The following MAEL variants were observed in gnomAD, a reference collection of about 807,000 sequenced individuals.
MAEL encodes protein maelstrom homolog.
In MAEL, 46 loss-of-function variants were observed where a neutral mutation model predicts 62.0. The observed-to-expected ratio is 0.74, with a 90% CI of 0.59 to 0.95. The LOEUF is 0.95. Ranked by LOEUF, MAEL falls within the 40% of genes least tolerant of loss-of-function variation. The pLI is 0.00. For synonymous variants in MAEL, 172 were observed against 175.5 expected, an observed-to-expected ratio of 0.98 and a Z score of 0.16; for missense variants, 497 against 526.8, an observed-to-expected ratio of 0.94 and a Z score of 0.55.
chr1:167,002,587 C>T (rs1023298708), intron 5 of MAEL, among the ~76,000 whole-genome samples: 5 of 152,282 alleles, frequency 3.3e-5, no homozygotes, highest in South Asian at 4.1e-4. Flanking sequence ...TCACTAGCAT[C>T]TCAGATTACC....
At chr1:167,003,634 G>A (rs1195516519) in intron 5 of MAEL, among the ~76,000 whole-genome samples, 2 of 152,132 alleles carry the variant, frequency 1.3e-5, no homozygotes, top group African/African-American at 2.4e-5. Context: ...TAATCTCACC[G>A]CTCTGAATTG....
Position 167,005,400 on chromosome 1 carries a change from A to AT in MAEL, c.845+5dup, listed in dbSNP as rs1211519366. ...TGGGATTATTCTAGCAACACAAGGT[A>AT]TTGCTAGCATTTTTGTTTTAGAGTC... is the stretch of plus-strand genomic sequence containing the variant. On this transcript the variant is annotated splice_donor_region_variant and intron_variant, in intron 8 of 11. Transcript: ENST00000367872. The AT allele has an allele frequency of 6.3e-7, 1 of 1,582,282 alleles. No homozygotes were observed. Among genetic ancestry groups the AT allele is most frequent in the Non-Finnish European group, 8.6e-7 (1 of 1,164,366 alleles).
chr1:166,984,319 C>T (rs1435573558), upstream of MAEL, among the ~76,000 whole-genome samples: 1 of 152,172 alleles, frequency 6.6e-6, no homozygotes, highest in Non-Finnish European at 1.5e-5. Context: ...TCTAACTGGT[C>T]TCACCATGCC....
intron 1 of MAEL, 126 bp from the exon 2 acceptor site, chr1:166,989,611 G>A (rs754541236): frequency 2.7e-6 from 4 of 1,472,720 alleles, no homozygotes; most frequent in East Asian, 2.4e-5. Flanking sequence ...GAAGGCCCCC[G>A]TTTGTGGCCC....
rs374048394 is a variant in MAEL, at chr1:167,002,870, T to G, written c.524-1310T>G. ...GAGTTTATTGGAAACTCTGTTCTGT[T>G]TCTCAGCCTCTAAATCTCCTCTTCC... is the stretch of plus-strand genomic sequence containing the variant. On this transcript the variant is annotated intron_variant, in intron 5 of 11. Coordinates refer to ENST00000367872, the MANE Select transcript of MAEL (RefSeq NM_032858.3). Among the ~76,000 whole-genome samples the G allele has an allele frequency of 1.8e-4, 28 of 152,338 alleles. No homozygotes were observed. In the East Asian group the frequency reaches 4.8e-3, roughly 26 times the overall value.
intron 8 of MAEL, 163 bp from the exon 9 acceptor site, chr1:167,016,059 T>C: frequency 1.5e-6 from 1 of 662,120 alleles, no homozygotes. Context: ...TATCAGAGAA[T>C]GTAGCATTAA....
At chr1:166,977,089 G>A (rs1466250552) in intron 1 of MAEL, among the ~76,000 whole-genome samples, 4 of 152,212 alleles carry the variant, frequency 2.6e-5, no homozygotes, top group Admixed American at 6.5e-5. Flanking sequence ...ATGATCAGCT[G>A]TGGCAGAGGT....
chr1:166,982,065 A>G (rs1302433862), intron 1 of MAEL, among the ~76,000 whole-genome samples: 23 of 152,206 alleles, frequency 1.5e-4, no homozygotes, highest in Admixed American at 1.4e-3. Context: ...GCTAACATCA[A>G]TTGAGAAAGA....
At chr1:166,989,105 A>C, upstream of MAEL, 1 of 517,534 alleles carries the variant, frequency 1.9e-6, no homozygotes. Flanking sequence ...GCACCCAGCC[A>C]ATCAGAGCAC....
At chr1:167,011,220 G>C (rs1665160137) in intron 8 of MAEL, among the ~76,000 whole-genome samples, 2 of 152,132 alleles carry the variant, frequency 1.3e-5, no homozygotes, top group Admixed American at 1.3e-4. Flanking sequence ...TGCATATAAA[G>C]GTTGGGGTAG....
At chr1:167,001,891 C>T (rs539187047) in intron 5 of MAEL, among the ~76,000 whole-genome samples, 8 of 152,332 alleles carry the variant, frequency 5.3e-5, no homozygotes, top group African/African-American at 1.4e-4. Context: ...AAGTGATTCT[C>T]GTGCCTCAGC....
rs772626474 is a variant in MAEL at position 167,016,209 on chromosome 1, T to C, written c.846-13T>C. 6.2e-7 allele frequency: 1 copy of C among 1,611,626 alleles called. No individual in the cohort carries two copies. The highest frequency in any genetic ancestry group is 8.5e-7 in the Non-Finnish European group (1 of 1,177,930). On this transcript the variant is annotated splice_polypyrimidine_tract_variant and intron_variant, in intron 8 of 11. Transcript: ENST00000367872. Reference sequence around the variant, plus strand: ...ACTTCAGTTAGGATATTAAAGTCCATTTTTTTGTACAGGTGCAAGTGGCAT... The same window carrying C: ...ACTTCAGTTAGGATATTAAAGTCCACTTTTTTGTACAGGTGCAAGTGGCAT...
chr1:166,989,731 C>T lies in MAEL; in HGVS notation c.133-6C>T. 1 of 1,612,946 alleles carries T rather than the reference C, an allele frequency of 6.2e-7. No homozygotes were observed. The highest frequency in any genetic ancestry group is 8.5e-7 in the Non-Finnish European group (1 of 1,179,558). ...TTCTCTTCTTTGCTCCTTCAATCCC[C>T]AAAAGCTTCTGAGGGAGGAAGAAAA... is the stretch of plus-strand genomic sequence containing the variant. On this transcript the variant is annotated splice_region_variant and splice_polypyrimidine_tract_variant and intron_variant, in intron 1 of 11. Transcript: ENST00000367872.
At chr1:167,005,456 A>G in intron 8 of MAEL, 59 bp downstream of exon 8, 1 of 1,477,084 alleles carries the variant, frequency 6.8e-7, no homozygotes, top group East Asian at 2.3e-5. Context: ...CTGAGAAAAT[A>G]TGGTAGGACT....
At chr1:167,006,692 G>T (rs1288189289) in intron 8 of MAEL, among the ~76,000 whole-genome samples, 3 of 143,428 alleles carry the variant, frequency 2.1e-5, no homozygotes, top group African/African-American at 7.7e-5. Context: ...CTGGAGTGCA[G>T]TAGTGTAATC....
intron 8 of MAEL, among the ~76,000 whole-genome samples, chr1:167,014,343 A>C (rs1316435668): frequency 6.6e-6 from 1 of 152,216 alleles, no homozygotes; most frequent in African/African-American, 2.4e-5. Flanking sequence ...AGTTTTTCTT[A>C]GTCCATTTTA....
At chr1:166,998,875 T>C (rs1355156933) in intron 5 of MAEL, among the ~76,000 whole-genome samples, 1 of 152,242 alleles carries the variant, frequency 6.6e-6, no homozygotes, top group East Asian at 1.9e-4. Context: ...TTTGTCATTA[T>C]CATCATGTTT....
chr1:166,989,594 G>A (rs1664069981), intron 1 of MAEL, 110 bp downstream of exon 1: 2 of 1,487,210 alleles, frequency 1.3e-6, no homozygotes, highest in South Asian at 2.6e-5. Context: ...CCCTGCCAGA[G>A]GAAGAGGAAG....
At chr1:167,021,633 G>A (rs1186332749) in intron 11 of MAEL, 35 bp from the exon 12 acceptor site, 1 of 1,430,490 alleles carries the variant, frequency 7.0e-7, no homozygotes, top group South Asian at 1.4e-5. Flanking sequence ...TTATAAAATT[G>A]CTATATCTCT....
Sources: allele counts gnomAD v4.1 joint callset (sites outside exome capture counted in the v4.1 genomes callset), GRCh38; gene constraint gnomAD v4.1.1; transcripts MANE v1.5; gene names NCBI Gene and HGNC (gene_info 2026-07-23, HGNC 2026-07-21).